The following TRIO variants were observed in gnomAD, a reference collection of about 807,000 sequenced individuals.
TRIO encodes the protein trio Rho guanine nucleotide exchange factor, also known as triple functional domain protein.
TRIO carries 58 observed loss-of-function variants against 351.9 expected under a neutral mutation model. The observed-to-expected ratio is 0.16, with a 90% confidence interval of 0.13 to 0.21. TRIO has a LOEUF of 0.21. Ranked by LOEUF, TRIO falls within the 10% of genes least tolerant of loss-of-function variation. The pLI is 1.00. For missense variants in TRIO, 3,201 were observed against 4,027.8 expected (o/e 0.79, Z 5.56); for synonymous variants, 1,758 against 1,595.7 (o/e 1.10, Z -2.42).
In TRIO at chr5:14,487,704, G is replaced by T; in HGVS notation, c.7076G>T (p.Ser2359Ile). The change falls in exon 48 of 57, where the codon AGC (serine) becomes ATC (isoleucine). Residue 2359 changes from serine to isoleucine, a missense_variant. By Grantham distance (142) the Ser-to-Ile change is moderately radical. Around this residue, in one of 19 missense-constraint regions of TRIO, gnomAD observed 1,089 missense variants for 954.9 expected, o/e 1.14. Coordinates refer to ENST00000344204, the MANE Select transcript of TRIO (RefSeq NM_007118.4). ...PPVLVSSAAS[S>I]QAEADKMSGT... Reference sequence around the variant, plus strand: ...GTGCTGGTCTCCTCTGCAGCCTCGAGCCAGGCAGAGGCAGACAAGATGTCA... The same window carrying T: ...GTGCTGGTCTCCTCTGCAGCCTCGATCCAGGCAGAGGCAGACAAGATGTCA... The T allele has an allele frequency of 6.9e-7, 1 of 1,441,352 alleles. No homozygotes were observed. 89.3% of individuals were successfully genotyped at this position (1,441,352 alleles called of 1,614,324 possible).
At chr5:14,482,949 G>C (rs1203738207) in intron 46 of TRIO, among the ~76,000 whole-genome samples, 176 bp downstream of exon 46, 1 of 152,160 alleles carries the variant, frequency 6.6e-6, no homozygotes, top group African/African-American at 2.4e-5. Context: ...CTGTGTTCTT[G>C]AGTGGCTGAT....
chr5:14,506,577 C>T (rs981299333), intron 55 of TRIO, among the ~76,000 whole-genome samples: 4 of 152,226 alleles, frequency 2.6e-5, no homozygotes, highest in Non-Finnish European at 5.9e-5. Context: ...TGTTAGAAGG[C>T]ATTGAGCCCC....
chr5:14,365,726 G>C lies in TRIO; in HGVS notation c.2754+910G>C, dbSNP rs545325239. On this transcript the variant is annotated intron_variant, in intron 15 of 56. Coordinates refer to ENST00000344204, the MANE Select transcript of TRIO (RefSeq NM_007118.4). ...TAGTGGCTTTGAAAAGGTGTTTTCC[G>C]CATGTGACAAGTCAGAATGTAGAAG... Among the ~76,000 whole-genome samples, 23 of 152,298 alleles carry C rather than the reference G, an allele frequency of 1.5e-4. 1 individual carries two copies. In the South Asian group the frequency reaches 4.6e-3, roughly 30 times the overall value.
intron 13 of TRIO, among the ~76,000 whole-genome samples, chr5:14,361,417 A>T (rs908019110): frequency 5.9e-5 from 9 of 152,184 alleles, no homozygotes; most frequent in African/African-American, 2.2e-4. Flanking sequence ...CCTGCAGCCC[A>T]GTCTCAGGCC....
chr5:14,316,296 A>G (rs1739372670), intron 8 of TRIO, among the ~76,000 whole-genome samples: 1 of 152,176 alleles, frequency 6.6e-6, no homozygotes, highest in African/African-American at 2.4e-5. Context: ...TTGTGATGTC[A>G]TTGGATAGCT....
chr5:14,487,569 C>CCAGTGGCGGCAGCGGCCA lies in TRIO; in HGVS notation c.6952_6969dup (p.Ser2318_Gly2323dup). 2 of 1,123,732 alleles carry CCAGTGGCGGCAGCGGCCA rather than the reference C, an allele frequency of 1.8e-6. No individual in the cohort carries two copies. Among genetic ancestry groups the CCAGTGGCGGCAGCGGCCA allele is most frequent in the Non-Finnish European group, 1.1e-6 (1 of 911,022 alleles). The allele number at this position is 1,123,732 out of a possible 1,614,324, so 69.6% of individuals were successfully genotyped here. A position where few individuals can be genotyped will look rare whatever the true frequency, so the allele number is the denominator to read the frequency against. Reference sequence around the variant, plus strand: ...GGGGGCAGCGGCGGCGGCGGGGCCCCCAGTGGCGGCAGCGGCCACAGTGGC... The same window carrying CCAGTGGCGGCAGCGGCCA: ...GGGGGCAGCGGCGGCGGCGGGGCCCCCAGTGGCGGCAGCGGCCACAGTGGCGGCAGCGGCCACAGTGGC... On this transcript the variant is annotated inframe_insertion, in exon 48 of 57. Transcript: ENST00000344204.
In TRIO at chr5:14,330,842, C is replaced by A. The variant is rs764454794; in HGVS notation, c.1796C>A (p.Ser599Tyr). ...AGCAAACATACAGGTGTGGGGAAAT[C>A]TCTTCATCGGGCCAGAGCATTGCAG... ...FLSKHTGVGKSLHRARALQKR... is the reference protein window; with the variant it reads ...FLSKHTGVGKYLHRARALQKR... Residue 599 changes from serine (S) to tyrosine (Y), a missense_variant, in exon 10 of 57, where the codon TCT (serine) becomes TAT (tyrosine). Ser to Tyr is a moderately radical substitution (Grantham distance 144). This residue lies in a region of TRIO where 38 missense variants were observed against 93.4 expected (regional missense o/e 0.41). Transcript: ENST00000344204. 4 of 1,613,978 alleles carry A rather than the reference C, an allele frequency of 2.5e-6. No homozygotes were observed. Among genetic ancestry groups the A allele is most frequent in the Non-Finnish European group, 2.5e-6 (3 of 1,179,978 alleles).
chr5:14,191,428 CA>C (rs1790450181), intron 1 of TRIO, among the ~76,000 whole-genome samples: 1 of 148,150 alleles, frequency 6.7e-6, no homozygotes, highest in African/African-American at 2.5e-5. Context: ...TCTATCGCTA[CA>C]AAAAAATGAA....
At chr5:14,504,867 C>CA (rs962765848) in intron 55 of TRIO, among the ~76,000 whole-genome samples, 4 of 151,842 alleles carry the variant, frequency 2.6e-5, no homozygotes, top group African/African-American at 9.7e-5. Flanking sequence ...TGCACCCCCC[C>CA]CACCCCTTTT....
intron 1 of TRIO, among the ~76,000 whole-genome samples, chr5:14,203,825 G>A (rs1791293552): frequency 6.6e-6 from 1 of 152,186 alleles, no homozygotes; most frequent in African/African-American, 2.4e-5. Context: ...AAAGGGGTGG[G>A]GGTGGGCTGA....
At chr5:14,388,506 A>G (rs1350575994) in intron 23 of TRIO, 107 bp from the exon 24 acceptor site, 17 of 1,108,636 alleles carry the variant, frequency 1.5e-5, no homozygotes, top group Non-Finnish European at 2.0e-5. Flanking sequence ...TGATCAATCT[A>G]AGACTAATAC....
chr5:14,320,379 T>G (rs1739772072), intron 9 of TRIO, among the ~76,000 whole-genome samples: 1 of 152,162 alleles, frequency 6.6e-6, no homozygotes, highest in Admixed American at 6.5e-5. Flanking sequence ...CTTGGATTGT[T>G]GAGATTCAGT....
At chr5:14,178,854 A>C (rs1377136706) in intron 1 of TRIO, among the ~76,000 whole-genome samples, 1 of 152,136 alleles carries the variant, frequency 6.6e-6, no homozygotes, top group Non-Finnish European at 1.5e-5. Context: ...GGTCTGTTTG[A>C]AAACAGACCT....
At chr5:14,308,761 TTAC>T (rs1738629562) in intron 8 of TRIO, among the ~76,000 whole-genome samples, 3 of 86,608 alleles carry the variant, frequency 3.5e-5, no homozygotes, top group African/African-American at 5.2e-5. Context: ...ATCCATCCAA[TTAC>T]CCATCCATTC....
chr5:14,485,051 T>TG lies in TRIO; in HGVS notation c.6658-17dup. On this transcript the variant is annotated splice_polypyrimidine_tract_variant and intron_variant, in intron 46 of 56. Transcript: ENST00000344204. ...TCCACCTGTTAGCTATTATGAATAA[T>TG]GTTTTTTTTTTTTTAAGGTGAGTTG... 2 of 1,518,514 alleles carry TG rather than the reference T, an allele frequency of 1.3e-6. No homozygotes were observed. The highest frequency in any genetic ancestry group is 8.9e-7 in the Non-Finnish European group (1 of 1,125,280). 94.1% of individuals were successfully genotyped at this position (1,518,514 alleles called of 1,614,324 possible).
chr5:14,207,320 A>T (rs907342010), intron 1 of TRIO, among the ~76,000 whole-genome samples: 66 of 5,270 alleles, frequency 0.013, 10 homozygotes, highest in African/African-American at 0.017. Flanking sequence ...ACTGTCTCTC[A>T]CACACACACA....
At chr5:14,389,162 A>G in intron 24 of TRIO, 127 bp from the exon 25 acceptor site, 1 of 651,366 alleles carries the variant, frequency 1.5e-6, no homozygotes, top group South Asian at 2.9e-5. Context: ...TGTTTTGTAA[A>G]AGGGTCCAGT....
chr5:14,269,429 A>G (rs1352254044), intron 1 of TRIO, among the ~76,000 whole-genome samples: 2 of 152,210 alleles, frequency 1.3e-5, no homozygotes, highest in Non-Finnish European at 2.9e-5. Flanking sequence ...ATTTGGCCTG[A>G]CCCACACTAC....
intron 9 of TRIO, among the ~76,000 whole-genome samples, chr5:14,325,567 G>C (rs993877983): frequency 3.9e-5 from 6 of 152,204 alleles, no homozygotes; most frequent in African/African-American, 1.4e-4. Context: ...CTGCCCCCAT[G>C]ACTGGAACAC....
Sources: allele counts gnomAD v4.1 joint callset (sites outside exome capture counted in the v4.1 genomes callset), GRCh38; gene constraint gnomAD v4.1.1; regional missense constraint gnomAD v4.1.1; transcripts MANE v1.5; gene names NCBI Gene and HGNC (gene_info 2026-07-23, HGNC 2026-07-21).